KIAA1958: variants seen among roughly 807,000 people sequenced by gnomAD.
The protein encoded by KIAA1958 is uncharacterized protein KIAA1958.
In KIAA1958, 14 loss-of-function variants were observed where a neutral mutation model predicts 47.2. That is an observed-to-expected ratio of 0.30 (90% CI 0.20 to 0.46). The LOEUF is 0.46. Among genes scored for constraint, KIAA1958 ranks in the 20% least tolerant of loss-of-function variants. The pLI is 1.00. For missense variants in KIAA1958, 803 were observed against 909.2 expected (o/e 0.88, Z 1.50); for synonymous variants, 354 against 353.3 (o/e 1.00, Z -0.02).
intron 2 of KIAA1958, among the ~76,000 whole-genome samples, chr9:112,636,146 G>T (rs1836801812): frequency 2.1e-5 from 3 of 146,330 alleles, no homozygotes; most frequent in African/African-American, 5.0e-5. Flanking sequence ...ATATATTTTT[G>T]TATTATATTA....
chr9:112,658,043 A>G (rs998993702), intron 3 of KIAA1958, among the ~76,000 whole-genome samples: 1 of 151,982 alleles, frequency 6.6e-6, no homozygotes, highest in African/African-American at 2.4e-5. Flanking sequence ...TTTAGTAGAG[A>G]TGGGGGTTTC....
chr9:112,624,295 A>C (rs1157344072), intron 2 of KIAA1958, among the ~76,000 whole-genome samples: 5 of 152,226 alleles, frequency 3.3e-5, no homozygotes, highest in African/African-American at 1.2e-4. Flanking sequence ...GTGATCAATT[A>C]AGAAATGCAC....
intron 2 of KIAA1958, among the ~76,000 whole-genome samples, chr9:112,604,761 G>T (rs1194530772): frequency 1.3e-5 from 2 of 151,916 alleles, no homozygotes; most frequent in Non-Finnish European, 2.9e-5. Context: ...GAAAGCTTGG[G>T]ATGTTCATCC....
chr9:112,619,796 T>C (rs1451375934), intron 2 of KIAA1958, among the ~76,000 whole-genome samples: 1 of 152,174 alleles, frequency 6.6e-6, no homozygotes, highest in Non-Finnish European at 1.5e-5. Flanking sequence ...AGCATTAGAT[T>C]GCCTATAAAG....
intron 2 of KIAA1958, among the ~76,000 whole-genome samples, chr9:112,624,872 C>T (rs1447713569): frequency 6.6e-6 from 1 of 152,122 alleles, no homozygotes. Context: ...CTGGAAAGGA[C>T]CCAAGAGATC....
Position 112,637,371 on chromosome 9 carries a change from A to G in KIAA1958, c.1172-8279A>G, listed in dbSNP as rs1231557038. Among the ~76,000 whole-genome samples the G allele has an allele frequency of 3.3e-5, 5 of 151,946 alleles. No individual in the cohort carries two copies. The South Asian group carries it at 1.0e-3, about 32-fold the overall frequency. Reference sequence around the variant, plus strand: ...TTTTGTGTGACTGCAGCTGCATTTTACCTTTATTTTTATTTTATTTTATTT... The same window carrying G: ...TTTTGTGTGACTGCAGCTGCATTTTGCCTTTATTTTTATTTTATTTTATTT... On this transcript the variant is annotated intron_variant, in intron 2 of 3. Coordinates refer to ENST00000337530, the MANE Select transcript of KIAA1958 (RefSeq NM_133465.4).
chr9:112,623,064 G>C (rs140207395), intron 2 of KIAA1958, among the ~76,000 whole-genome samples: 1 of 152,138 alleles, frequency 6.6e-6, no homozygotes, highest in East Asian at 1.9e-4. Flanking sequence ...GAATATGTTG[G>C]TCTGCTGTGG....
chr9:112,657,727 G>T lies in KIAA1958; in HGVS notation c.1345-1536G>T, dbSNP rs1056562777. 2.0e-5 allele frequency among the ~76,000 whole-genome samples: 3 copies of T among 152,100 alleles called. No homozygotes were observed. The East Asian group carries it at 5.8e-4, about 29-fold the overall frequency. ...CAGCTTGAATAGACCATGAGCAAGGGCTGGTTTGCCCTTCATAGTTCCATC... is the reference window on the plus strand; with the variant it reads ...CAGCTTGAATAGACCATGAGCAAGGTCTGGTTTGCCCTTCATAGTTCCATC... On this transcript the variant is annotated intron_variant, in intron 3 of 3. Transcript: ENST00000337530.
rs190055477 is a variant in KIAA1958, at chr9:112,607,035, G to A, written c.1171+31784G>A. On this transcript the variant is annotated intron_variant, in intron 2 of 3. Transcript: ENST00000337530. ...ATAAAGAAGGGGTGCTGAATGCAGT[G>A]ATGAGACTGGAATTTGAATATGGCG... 1.1e-4 allele frequency among the ~76,000 whole-genome samples: 17 copies of A among 152,316 alleles called. No individual in the cohort carries two copies. The East Asian group carries it at 3.3e-3, about 29-fold the overall frequency.
chr9:112,649,336 T>A (rs1837023669), intron 3 of KIAA1958, among the ~76,000 whole-genome samples: 1 of 151,704 alleles, frequency 6.6e-6, no homozygotes, highest in Non-Finnish European at 1.5e-5. Context: ...TTTTTTTTTT[T>A]TTGTACAGAC....
At chr9:112,583,010 T>A (rs1373084493) in intron 2 of KIAA1958, among the ~76,000 whole-genome samples, 1 of 152,198 alleles carries the variant, frequency 6.6e-6, no homozygotes, top group African/African-American at 2.4e-5. Context: ...CCAGGTGATT[T>A]TGTATGCGCA....
intron 1 of KIAA1958, among the ~76,000 whole-genome samples, chr9:112,510,014 A>G (rs1834296571): frequency 6.6e-6 from 1 of 152,204 alleles, no homozygotes; most frequent in South Asian, 2.1e-4. Flanking sequence ...GGGCAGCTTA[A>G]TAACCATCTG....
At chr9:112,553,252 C>T (rs1278021449) in intron 1 of KIAA1958, among the ~76,000 whole-genome samples, 1 of 149,628 alleles carries the variant, frequency 6.7e-6, no homozygotes, top group East Asian at 2.0e-4. Context: ...GTGGTATGAT[C>T]GTTGGCTCAC....
chr9:112,546,856 G>T (rs1023298619), intron 1 of KIAA1958, among the ~76,000 whole-genome samples: 5 of 151,972 alleles, frequency 3.3e-5, no homozygotes, highest in South Asian at 4.2e-4. Context: ...TCCTTGACTC[G>T]TTGGGAACTA....
chr9:112,490,517 G>A (rs1833950534), intron 1 of KIAA1958, among the ~76,000 whole-genome samples: 1 of 152,172 alleles, frequency 6.6e-6, no homozygotes. Flanking sequence ...CGTTTCCTAG[G>A]TAACAAATGC....
intron 1 of KIAA1958, among the ~76,000 whole-genome samples, chr9:112,561,714 G>T (rs931237078): frequency 1.3e-5 from 2 of 152,128 alleles, no homozygotes; most frequent in African/African-American, 4.8e-5. Flanking sequence ...AATTAGCCAG[G>T]CATGGTGGTG....
chr9:112,634,597 A>G (rs1397907859), intron 2 of KIAA1958, among the ~76,000 whole-genome samples: 2 of 152,132 alleles, frequency 1.3e-5, no homozygotes, highest in African/African-American at 4.8e-5. Flanking sequence ...AAAAATTTTT[A>G]AGTTCGAGGG....
chr9:112,592,051 A>G (rs1013627159), intron 2 of KIAA1958, among the ~76,000 whole-genome samples: 1 of 152,080 alleles, frequency 6.6e-6, no homozygotes, highest in Non-Finnish European at 1.5e-5. Context: ...CTGATTGGCT[A>G]ATTTAAAGAG....
At chr9:112,560,208 C>T (rs4463499) in intron 1 of KIAA1958, among the ~76,000 whole-genome samples, 93,128 of 122,060 alleles carry the variant, frequency 0.76, 32,358 homozygotes, top group South Asian at 0.78. Flanking sequence ...CTTTTTTTTT[C>T]TTTTTTTGAA....
Sources: gnomAD v4.1 joint callset for allele counts (sites outside exome capture counted in the v4.1 genomes callset) on GRCh38, gnomAD v4.1.1 for gene constraint, MANE v1.5 for transcripts, NCBI Gene and HGNC (gene_info 2026-07-23, HGNC 2026-07-21) for gene names.